Variants in RXYLT1 observed in about 807,000 individuals in gnomAD.
RXYLT1 encodes ribitol-5-phosphate xylosyltransferase 1.
Under a neutral mutation model 43.5 loss-of-function variants are expected in RXYLT1, and 41 were observed. That is an observed-to-expected ratio of 0.94 (90% CI 0.73 to 1.22). The LOEUF (loss-of-function observed/expected upper bound fraction) is 1.22, where lower values mean the gene tolerates loss of function less well. Among genes scored for constraint, RXYLT1 ranks in the 50% most tolerant of loss-of-function variants. The pLI is 0.00. For missense variants in RXYLT1, 514 were observed against 532.0 expected (o/e 0.97, Z 0.33); for synonymous variants, 166 against 194.4 (o/e 0.85, Z 1.21).
intron 3 of RXYLT1, among the ~76,000 whole-genome samples, chr12:63,787,655 T>A (rs1185428131): frequency 6.6e-6 from 1 of 151,746 alleles, no homozygotes; most frequent in Admixed American, 6.6e-5. Flanking sequence ...TGAGACAGAG[T>A]CTTGTTCTGT....
intron 1 of RXYLT1, 133 bp downstream of exon 1, chr12:63,780,262 TAC>T: frequency 2.2e-6 from 3 of 1,369,122 alleles, no homozygotes; most frequent in Non-Finnish European, 2.8e-6. Context: ...CTTTGCCCCC[TAC>T]AGCCTCTCGA....
intron 1 of RXYLT1, among the ~76,000 whole-genome samples, chr12:63,780,704 A>G (rs957460191): frequency 1.3e-5 from 2 of 152,218 alleles, no homozygotes; most frequent in African/African-American, 4.8e-5. Context: ...GATAAAAATA[A>G]TTGCAAAAGT....
At position 63,792,008 on chromosome 12, in the gene RXYLT1, C is replaced by T. The variant is rs1335500298; in HGVS notation, c.428+6936C>T. Among the ~76,000 whole-genome samples the T allele has an allele frequency of 2.0e-5, 3 of 152,192 alleles. No individual in the cohort carries two copies. In the East Asian group the frequency reaches 5.8e-4, roughly 29 times the overall value. ...GTACTGTGCTTACCTCGTTTGAGCA[C>T]TGAAAGGCTAAGTACCTGGCCTAAG... is the stretch of plus-strand genomic sequence containing the variant. On this transcript the variant is annotated intron_variant, in intron 3 of 5. Transcript: ENST00000261234.
At chr12:63,780,257 C>A in intron 1 of RXYLT1, 128 bp downstream of exon 1, 1 of 1,371,174 alleles carries the variant, frequency 7.3e-7, no homozygotes, top group Non-Finnish European at 9.3e-7. Flanking sequence ...AAGCGCTTTG[C>A]CCCCTACAGC....
chr12:63,792,045 C>G (rs1897929310), intron 3 of RXYLT1, among the ~76,000 whole-genome samples: 1 of 152,188 alleles, frequency 6.6e-6, no homozygotes. Context: ...TTACATACTT[C>G]TAATTAGTGG....
In RXYLT1 at chr12:63,779,941, T is replaced by C; in HGVS notation, c.-20T>C. Reference sequence around the variant, plus strand: ...CGCCCGCTCCATGGCGGTGGATGCCTGACTGGAAGCCCGAGTGGGATGCGG... The same window carrying C: ...CGCCCGCTCCATGGCGGTGGATGCCCGACTGGAAGCCCGAGTGGGATGCGG... On this transcript the variant is annotated 5_prime_UTR_variant, in exon 1 of 6. The change abolishes the stop of an existing upstream ORF in the 5' untranslated region. Transcript: ENST00000261234. 1 of 1,609,750 alleles carries C rather than the reference T, an allele frequency of 6.2e-7. No individual in the cohort carries two copies. The highest frequency in any genetic ancestry group is 8.5e-7 in the Non-Finnish European group (1 of 1,178,808).
chr12:63,783,794 T>C (rs1897740515), intron 2 of RXYLT1, among the ~76,000 whole-genome samples: 1 of 152,214 alleles, frequency 6.6e-6, no homozygotes, highest in Non-Finnish European at 1.5e-5. Context: ...CATAACAAAT[T>C]ACCACAAATG....
intron 2 of RXYLT1, among the ~76,000 whole-genome samples, chr12:63,783,483 T>G (rs1322912978): frequency 6.6e-6 from 1 of 152,078 alleles, no homozygotes; most frequent in Non-Finnish European, 1.5e-5. Flanking sequence ...CATTGCATAT[T>G]CTTACCAACA....
intron 5 of RXYLT1, 69 bp downstream of exon 5, chr12:63,805,473 C>G: frequency 6.9e-7 from 1 of 1,448,728 alleles, no homozygotes; most frequent in Non-Finnish European, 9.2e-7. Flanking sequence ...TGTAGAAACA[C>G]AGGTTTCCAA....
In RXYLT1 at chr12:63,802,284, A is replaced by C; in HGVS notation, c.622A>C (p.Asn208His). Residue 208 changes from asparagine to histidine, a missense_variant, in exon 4 of 6, where the codon AAT (asparagine) becomes CAT (histidine). Physicochemically the swap from Asn to His is moderately conservative, Grantham distance 68 (BLOSUM62 1). Transcript: ENST00000261234. ...TTTGCTCGGAAATGAACATTGTGATAATGAGTGGATAAACCCATTCCTCAA... is the reference window on the plus strand; with the variant it reads ...TTTGCTCGGAAATGAACATTGTGATCATGAGTGGATAAACCCATTCCTCAA... ...VVLLGNEHCD[N>H]EWINPFLKRN... 1 of 1,614,132 alleles carries C rather than the reference A, an allele frequency of 6.2e-7. No individual in the cohort carries two copies. The highest frequency in any genetic ancestry group is 1.1e-5 in the South Asian group (1 of 91,078).
intron 4 of RXYLT1, among the ~76,000 whole-genome samples, chr12:63,802,674 G>A (rs1422628009): frequency 6.6e-6 from 1 of 151,836 alleles, no homozygotes; most frequent in Non-Finnish European, 1.5e-5. Flanking sequence ...AGCTTATTAG[G>A]AGTGCCATAA....
intron 2 of RXYLT1, among the ~76,000 whole-genome samples, chr12:63,783,281 T>C (rs1897726607): frequency 6.6e-6 from 1 of 152,128 alleles, no homozygotes; most frequent in African/African-American, 2.4e-5. Context: ...GCCATCATGG[T>C]GAAACCCCGT....
chr12:63,787,416 C>T (rs1233355072), intron 3 of RXYLT1, among the ~76,000 whole-genome samples: 1 of 152,186 alleles, frequency 6.6e-6, no homozygotes, highest in African/African-American at 2.4e-5. Context: ...TCTCGAACCC[C>T]TCAAAGTCAT....
intron 2 of RXYLT1, among the ~76,000 whole-genome samples, chr12:63,783,881 C>T (rs1043898879): frequency 6.6e-6 from 1 of 152,046 alleles, no homozygotes; most frequent in Non-Finnish European, 1.5e-5. Context: ...TAGAGGAGAA[C>T]CTGTTTCCTT....
intron 3 of RXYLT1, among the ~76,000 whole-genome samples, chr12:63,787,297 G>A (rs1382688376): frequency 1.3e-5 from 2 of 152,176 alleles, no homozygotes; most frequent in African/African-American, 4.8e-5. Flanking sequence ...CTCATCTGTT[G>A]AAGTTTTATC....
At chr12:63,781,236 G>A (rs1897676881) in intron 2 of RXYLT1, 62 bp downstream of exon 2, 18 of 1,318,958 alleles carry the variant, frequency 1.4e-5, no homozygotes, top group Non-Finnish European at 1.7e-5. Context: ...TTATTGATAT[G>A]AAATTCATTT....
chr12:63,805,292 T>C lies in RXYLT1; in HGVS notation c.802T>C (p.Tyr268His), dbSNP rs372164959. The stretch of plus-strand genomic sequence containing the variant: ...GTCAATGCTGCATGATGAGAGGCCA[T>C]ATTTATGTAATTTCTTAGGAACGAT... Reference protein sequence around the residue: ...SWSMLHDERPYLCNFLGTIYE... With the variant: ...SWSMLHDERPHLCNFLGTIYE... Residue 268 changes from tyrosine to histidine, a missense_variant, in exon 5 of 6, where the codon TAT becomes CAT. Tyr to His is a moderately conservative substitution (Grantham distance 83, BLOSUM62 2). Coordinates refer to ENST00000261234, the MANE Select transcript of RXYLT1 (RefSeq NM_014254.3). The C allele has an allele frequency of 1.5e-5, 24 of 1,613,450 alleles. No individual in the cohort carries two copies. The highest frequency in any genetic ancestry group is 1.2e-4 in the South Asian group (11 of 90,924).
intron 5 of RXYLT1, 200 bp from the exon 6 acceptor site, chr12:63,808,475 G>A (rs1011496301): frequency 6.9e-6 from 4 of 581,518 alleles, no homozygotes; most frequent in Non-Finnish European, 1.2e-5. Flanking sequence ...TTTTATAAAT[G>A]TACAACTGTA....
At chr12:63,803,288 AG>A (rs1487762147) in intron 4 of RXYLT1, among the ~76,000 whole-genome samples, 1 of 149,696 alleles carries the variant, frequency 6.7e-6, no homozygotes. Context: ...TTTAATTAAG[AG>A]CAAGTTGACT....
Sources: gnomAD v4.1 joint callset for allele counts (sites outside exome capture counted in the v4.1 genomes callset) on GRCh38, gnomAD v4.1.1 for gene constraint, MANE v1.5 for transcripts, NCBI Gene and HGNC (gene_info 2026-07-23, HGNC 2026-07-21) for gene names.